Variants in GNB5 observed in about 807,000 individuals in gnomAD.
The protein encoded by GNB5 is G protein subunit beta 5.
A neutral mutation model predicts 55.3 loss-of-function variants in GNB5; 37 were observed. The observed-to-expected ratio is 0.67, with a 90% CI of 0.51 to 0.88. The LOEUF (loss-of-function observed/expected upper bound fraction) is 0.88. Among genes scored for constraint, GNB5 ranks in the 40% least tolerant of loss-of-function variants. The pLI is 0.00. For missense variants in GNB5, 476 were observed against 515.3 expected (o/e 0.92, Z 0.74); for synonymous variants, 219 against 198.5 (o/e 1.10, Z -0.87).
chr15:52,137,710 G>A (rs2033757564), intron 7 of GNB5: 6 of 1,186,346 alleles, frequency 5.1e-6, no homozygotes, highest in East Asian at 5.9e-5. Context: ...TCCTGGGATT[G>A]GGAGAAAGGC....
intron 3 of GNB5, among the ~76,000 whole-genome samples, chr15:52,177,192 G>A (rs932903061): frequency 2.6e-5 from 4 of 151,548 alleles, no homozygotes; most frequent in Non-Finnish European, 5.9e-5. Flanking sequence ...CTGCCACCAT[G>A]CCCAACTAAT....
At chr15:52,158,293 G>A (rs1039127018) in intron 3 of GNB5, among the ~76,000 whole-genome samples, 11 of 152,148 alleles carry the variant, frequency 7.2e-5, no homozygotes, top group Non-Finnish European at 1.2e-4. Context: ...GTGGGGTTGC[G>A]GGGACAACTA....
chr15:52,150,438 T>A (rs536413180), intron 4 of GNB5, among the ~76,000 whole-genome samples: 29 of 152,276 alleles, frequency 1.9e-4, no homozygotes, highest in Non-Finnish European at 2.5e-4. Context: ...CTCTGTCCAT[T>A]TCTCTGCCAG....
At chr15:52,122,954 A>G (rs1176221964) in intron 12 of GNB5, among the ~76,000 whole-genome samples, 186 bp from the exon 13 acceptor site, 1 of 150,312 alleles carries the variant, frequency 6.7e-6, no homozygotes, top group African/African-American at 2.5e-5. Context: ...CCTTAGAAGG[A>G]TAACACTGTA....
chr15:52,176,835 G>T (rs995381341), intron 3 of GNB5, among the ~76,000 whole-genome samples: 57 of 152,036 alleles, frequency 3.7e-4, no homozygotes, highest in Non-Finnish European at 5.9e-5. Flanking sequence ...CCCTCCAAGG[G>T]TTTCCCAACT....
chr15:52,175,503 C>G (rs1260892433), intron 3 of GNB5, among the ~76,000 whole-genome samples: 1 of 152,218 alleles, frequency 6.6e-6, no homozygotes, highest in African/African-American at 2.4e-5. Flanking sequence ...CTTTGGGAGG[C>G]TGAGGCGGGC....
intron 1 of GNB5, among the ~76,000 whole-genome samples, chr15:52,187,073 C>G (rs1238339851): frequency 6.6e-6 from 1 of 152,182 alleles, no homozygotes; most frequent in African/African-American, 2.4e-5. Flanking sequence ...CTGTAAGTAG[C>G]ATGAATACAC....
intron 3 of GNB5, among the ~76,000 whole-genome samples, chr15:52,159,695 G>A (rs917998665): frequency 3.9e-5 from 6 of 152,126 alleles, no homozygotes; most frequent in African/African-American, 7.2e-5. Context: ...CAGATGCTTG[G>A]GTACAGAAAA....
At chr15:52,162,130 G>A (rs2034349155) in intron 3 of GNB5, among the ~76,000 whole-genome samples, 2 of 152,142 alleles carry the variant, frequency 1.3e-5, no homozygotes, top group Non-Finnish European at 2.9e-5. Flanking sequence ...AGGAAAATGG[G>A]GCCTGAGGGA....
chr15:52,141,636 C>A (rs991488081), intron 6 of GNB5, among the ~76,000 whole-genome samples: 5 of 152,066 alleles, frequency 3.3e-5, no homozygotes, highest in African/African-American at 1.2e-4. Flanking sequence ...ATACTGAACA[C>A]CCAGATCCCT....
chr15:52,166,447 T>C (rs1021328854), intron 3 of GNB5, among the ~76,000 whole-genome samples: 4 of 152,190 alleles, frequency 2.6e-5, no homozygotes, highest in African/African-American at 9.6e-5. Flanking sequence ...AGTAAAACTC[T>C]CCTTAGTAAA....
intron 6 of GNB5, among the ~76,000 whole-genome samples, chr15:52,141,789 C>T (rs78644645): frequency 0.016 from 2,495 of 152,284 alleles, 67 homozygotes; most frequent in African/African-American, 0.057. Context: ...AGAACATTCT[C>T]CTGTCTATCT....
chr15:52,169,059 C>T (rs182160809), intron 3 of GNB5, among the ~76,000 whole-genome samples: 2 of 152,314 alleles, frequency 1.3e-5, no homozygotes, highest in East Asian at 3.9e-4. Flanking sequence ...TGTGGGGGCT[C>T]ACGCCTGTAA....
chr15:52,160,409 A>C (rs1163644976), intron 3 of GNB5, among the ~76,000 whole-genome samples: 1 of 152,224 alleles, frequency 6.6e-6, no homozygotes, highest in Non-Finnish European at 1.5e-5. Context: ...GAGTTGGTGT[A>C]CTAGGAGCTG....
At chr15:52,144,358 A>G (rs1244256679) in intron 6 of GNB5, 1 of 152,268 alleles carries the variant, frequency 6.6e-6, no homozygotes, top group Non-Finnish European at 1.5e-5. Context: ...CTAATATTTC[A>G]ATATTGGATA....
chr15:52,137,424 T>G, intron 7 of GNB5: 2 of 1,023,298 alleles, frequency 2.0e-6, no homozygotes, highest in Non-Finnish European at 2.3e-6. Context: ...ATGTCTGCAC[T>G]AAATGAAAGG....
intron 9 of GNB5, among the ~76,000 whole-genome samples, chr15:52,130,043 T>C (rs1347805638): frequency 6.6e-6 from 1 of 152,176 alleles, no homozygotes; most frequent in African/African-American, 2.4e-5. Flanking sequence ...GCAACTCTCC[T>C]CTACCAACCA....
At chr15:52,176,271 A>G (rs2034649029) in intron 3 of GNB5, among the ~76,000 whole-genome samples, 1 of 152,150 alleles carries the variant, frequency 6.6e-6, no homozygotes, top group Non-Finnish European at 1.5e-5. Context: ...AAGCTGCATC[A>G]TTCCTAAACT....
At chr15:52,176,223 G>A (rs2034647532) in intron 3 of GNB5, among the ~76,000 whole-genome samples, 1 of 152,094 alleles carries the variant, frequency 6.6e-6, no homozygotes, top group Non-Finnish European at 1.5e-5. Flanking sequence ...CTTCCCCCAG[G>A]CTCTCAGCCA....
Sources: gnomAD v4.1 joint callset for allele counts (sites outside exome capture counted in the v4.1 genomes callset) on GRCh38, gnomAD v4.1.1 for gene constraint, MANE v1.5 for transcripts, NCBI Gene and HGNC (gene_info 2026-07-23, HGNC 2026-07-21) for gene names.